The following HTT variants were observed in gnomAD, a reference collection of about 807,000 sequenced individuals.
The protein encoded by HTT is huntington disease protein.
HTT carries 104 observed loss-of-function variants against 362.3 expected under a neutral mutation model. That is an observed-to-expected ratio of 0.29 (90% CI 0.24 to 0.34). HTT has a LOEUF of 0.34. HTT is among the 10% of genes least tolerant of loss of function. The pLI, the probability that HTT is intolerant of heterozygous loss-of-function variation, is 1.00. For synonymous variants in HTT, 1,577 were observed against 1,548.7 expected, an observed-to-expected ratio of 1.02 and a Z score of -0.43; for missense variants, 3,301 against 3,928.6, an observed-to-expected ratio of 0.84 and a Z score of 4.27.
chr4:3,223,800 A>G (rs1464875327), intron 55 of HTT, among the ~76,000 whole-genome samples, 192 bp from the exon 56 acceptor site: 2 of 152,262 alleles, frequency 1.3e-5, no homozygotes, highest in African/African-American at 4.8e-5. Context: ...AGACGTTAGC[A>G]GAGCAGGAAT....
rs149411632 is a variant in HTT, at chr4:3,176,703, A to G, written c.4408-629A>G. 1.7e-3 allele frequency among the ~76,000 whole-genome samples: 257 copies of G among 152,328 alleles called. 2 individuals carry two copies. The highest frequency in any genetic ancestry group is 3.1e-3 in the Admixed American group (47 of 15,308). Reference sequence around the variant, plus strand: ...TCTCCCAGTTCTTAAGATTCAGTACAGTGACAGTTTTATGAACAAGAATAG... The same window carrying G: ...TCTCCCAGTTCTTAAGATTCAGTACGGTGACAGTTTTATGAACAAGAATAG... On this transcript the variant is annotated intron_variant, in intron 33 of 66. Coordinates refer to ENST00000355072, the MANE Select transcript of HTT (RefSeq NM_001388492.1).
Position 3,242,799 on chromosome 4 carries a change from A to G in HTT, c.*2740A>G, listed in dbSNP as rs1265429561. ...TAATATCGGGAAAGATTTTAATGAA[A>G]CCAGGGTAGAATTGTTTGGCAATGC... On this transcript the variant is annotated 3_prime_UTR_variant, in exon 67 of 67. Coordinates refer to ENST00000355072, the MANE Select transcript of HTT (RefSeq NM_001388492.1). The G allele has an allele frequency of 1.3e-5, 2 of 152,162 alleles. No homozygotes were observed. Among genetic ancestry groups the G allele is most frequent in the African/African-American group, 4.8e-5 (2 of 41,412 alleles). 9.4% of individuals were successfully genotyped at this position (152,162 alleles called of 1,614,324 possible). A position where few individuals can be genotyped will look rare whatever the true frequency, so the allele number is the denominator to read the frequency against.
At chr4:3,207,723 G>A (rs1251516886) in intron 45 of HTT, among the ~76,000 whole-genome samples, 1 of 152,178 alleles carries the variant, frequency 6.6e-6, no homozygotes, top group East Asian at 1.9e-4. Flanking sequence ...ACAAGAGTTG[G>A]CAAATCTGAG....
At chr4:3,095,235 A>G (rs1293046866) in intron 2 of HTT, among the ~76,000 whole-genome samples, 2 of 152,258 alleles carry the variant, frequency 1.3e-5, no homozygotes, top group African/African-American at 4.8e-5. Context: ...AGCCTGGGCA[A>G]CACTGAGCAC....
intron 41 of HTT, chr4:3,202,932 G>T (rs1719656097): frequency 6.6e-6 from 1 of 152,280 alleles, no homozygotes; most frequent in Admixed American, 6.5e-5. Flanking sequence ...TTGAGCTCAG[G>T]AGTTAGAGGT....
chr4:3,239,231 G>C (rs896715397), intron 66 of HTT, among the ~76,000 whole-genome samples: 3 of 152,204 alleles, frequency 2.0e-5, no homozygotes, highest in Admixed American at 1.3e-4. Flanking sequence ...TTTCTGTGGA[G>C]GGCCTGGGTG....
intron 40 of HTT, among the ~76,000 whole-genome samples, chr4:3,194,368 C>T (rs1301138791): frequency 6.6e-6 from 1 of 152,208 alleles, no homozygotes; most frequent in Non-Finnish European, 1.5e-5. Flanking sequence ...AGCTGTCCTC[C>T]TGTTTACAAC....
At chr4:3,107,747 T>G (rs900737927) in intron 6 of HTT, among the ~76,000 whole-genome samples, 1 of 152,236 alleles carries the variant, frequency 6.6e-6, no homozygotes, top group African/African-American at 2.4e-5. Context: ...GTGCCAAGAC[T>G]GCAGGTAGGA....
intron 37 of HTT, among the ~76,000 whole-genome samples, chr4:3,183,097 G>A (rs1383607165): frequency 1.3e-5 from 2 of 152,206 alleles, no homozygotes; most frequent in African/African-American, 2.4e-5. Context: ...GCCCAGGCTG[G>A]TTTTAAACTC....
At chr4:3,140,003 C>G (rs930455707) in intron 21 of HTT, among the ~76,000 whole-genome samples, 3 of 151,650 alleles carry the variant, frequency 2.0e-5, no homozygotes, top group Non-Finnish European at 4.4e-5. Flanking sequence ...CGCCTGTAAT[C>G]CAGCACTATG....
At chr4:3,099,470 T>G in intron 3 of HTT, 76 bp downstream of exon 3, 1 of 1,590,444 alleles carries the variant, frequency 6.3e-7, no homozygotes, top group South Asian at 1.1e-5. Context: ...TCATTGAGTG[T>G]TCTTCTGTTT....
intron 13 of HTT, 123 bp downstream of exon 13, chr4:3,130,170 GA>G: frequency 8.8e-7 from 1 of 1,136,214 alleles, no homozygotes; most frequent in Non-Finnish European, 1.3e-6. Flanking sequence ...AATAGCTGAT[GA>G]AAATGACCAA....
At chr4:3,135,048 G>A (rs929658013) in intron 19 of HTT, among the ~76,000 whole-genome samples, 1 of 152,004 alleles carries the variant, frequency 6.6e-6, no homozygotes, top group African/African-American at 2.4e-5. Context: ...AAGTAGAAGA[G>A]TAGATTTTTT....
chr4:3,233,965 A>T (rs1721394187), intron 61 of HTT, among the ~76,000 whole-genome samples: 1 of 152,354 alleles, frequency 6.6e-6, no homozygotes, highest in East Asian at 1.9e-4. Flanking sequence ...TCTCTGAGTC[A>T]TAGGCTTCTG....
chr4:3,185,338 G>A (rs1718712070), intron 37 of HTT, among the ~76,000 whole-genome samples: 2 of 152,162 alleles, frequency 1.3e-5, no homozygotes, highest in African/African-American at 4.8e-5. Context: ...TCCCAGAGTT[G>A]CTGGGGAGGA....
chr4:3,103,016 G>T (rs962130665), intron 3 of HTT, among the ~76,000 whole-genome samples: 1 of 152,008 alleles, frequency 6.6e-6, no homozygotes, highest in Non-Finnish European at 1.5e-5. Flanking sequence ...TGCAGAAAAG[G>T]ATGCAGGACT....
intron 38 of HTT, among the ~76,000 whole-genome samples, 179 bp from the exon 39 acceptor site, chr4:3,187,472 A>T (rs1718821627): frequency 6.6e-6 from 1 of 152,202 alleles, no homozygotes. Context: ...ATTTTTAGCA[A>T]ATTCCCAGGT....
At chr4:3,119,048 A>G (rs1255628768) in intron 8 of HTT, among the ~76,000 whole-genome samples, 1 of 152,214 alleles carries the variant, frequency 6.6e-6, no homozygotes, top group Non-Finnish European at 1.5e-5. Context: ...TTTGCTTTCC[A>G]TGTGTGCTTT....
chr4:3,185,786 G>A (rs1413002162), intron 37 of HTT, among the ~76,000 whole-genome samples: 2 of 152,134 alleles, frequency 1.3e-5, no homozygotes, highest in Admixed American at 6.6e-5. Context: ...GGTGGTGTGC[G>A]CCTGTAGTCC....
Sources: allele counts gnomAD v4.1 joint callset (sites outside exome capture counted in the v4.1 genomes callset), GRCh38; gene constraint gnomAD v4.1.1; transcripts MANE v1.5; gene names NCBI Gene and HGNC (gene_info 2026-07-23, HGNC 2026-07-21).